Variants in DYNC2H1 observed in about 807,000 individuals in gnomAD.
DYNC2H1 encodes the protein cytoplasmic dynein 2 heavy chain 1.
Under a neutral mutation model 570.0 loss-of-function variants are expected in DYNC2H1, and 410 were observed. That is an observed-to-expected ratio of 0.72 (90% CI 0.66 to 0.78). The LOEUF (loss-of-function observed/expected upper bound fraction) is 0.78, where lower values mean the gene tolerates loss of function less well. Ranked by LOEUF, DYNC2H1 falls within the 30% of genes least tolerant of loss-of-function variation. The pLI is 0.00. For synonymous variants in DYNC2H1, 1,688 were observed against 1,677.6 expected (o/e 1.01, Z -0.15); for missense variants, 4,865 against 5,046.4 (o/e 0.96, Z 1.09).
chr11:103,236,327 G>C, intron 62 of DYNC2H1, 103 bp from the exon 63 acceptor site: 1 of 725,434 alleles, frequency 1.4e-6, no homozygotes, highest in Non-Finnish European at 2.4e-6. Context: ...TTTCAAGTAA[G>C]GACTGTCATA....
intron 13 of DYNC2H1, among the ~76,000 whole-genome samples, chr11:103,131,490 C>T (rs866996033): frequency 2.0e-5 from 3 of 151,968 alleles, no homozygotes; most frequent in African/African-American, 7.3e-5. Context: ...GGGGTTTCAC[C>T]GTGTTAGCCA....
chr11:103,270,203 A>T (rs34680059), intron 70 of DYNC2H1, among the ~76,000 whole-genome samples: 1 of 139,954 alleles, frequency 7.1e-6, no homozygotes, highest in Non-Finnish European at 1.6e-5. Context: ...AAAAAAAAAA[A>T]AAAAAATAAT....
At chr11:103,449,196 C>G (rs946501177) in intron 85 of DYNC2H1, among the ~76,000 whole-genome samples, 18 of 152,038 alleles carry the variant, frequency 1.2e-4, no homozygotes, top group African/African-American at 4.3e-4. Flanking sequence ...CTGAAGGAAA[C>G]AAGACAGAAA....
At chr11:103,366,763 G>A (rs1440990526) in intron 83 of DYNC2H1, among the ~76,000 whole-genome samples, 2 of 152,090 alleles carry the variant, frequency 1.3e-5, no homozygotes, top group Non-Finnish European at 2.9e-5. Flanking sequence ...ACTTAGAACT[G>A]CACCTAGCCC....
chr11:103,478,236 C>T (rs1238030031), intron 88 of DYNC2H1, among the ~76,000 whole-genome samples: 2 of 152,136 alleles, frequency 1.3e-5, no homozygotes, highest in African/African-American at 4.8e-5. Flanking sequence ...TTTGAAAACA[C>T]ATAAAGGGAA....
intron 83 of DYNC2H1, among the ~76,000 whole-genome samples, chr11:103,383,280 T>A (rs868307073): frequency 6.6e-6 from 1 of 152,166 alleles, no homozygotes; most frequent in East Asian, 1.9e-4. Flanking sequence ...CAGAACCTAA[T>A]AGGACATCAT....
At chr11:103,287,914 T>G (rs1866413789) in intron 75 of DYNC2H1, among the ~76,000 whole-genome samples, 2 of 152,150 alleles carry the variant, frequency 1.3e-5, no homozygotes, top group South Asian at 4.1e-4. Context: ...ACCGGAGTTT[T>G]ATTATTACTC....
At position 103,307,812 on chromosome 11, in the gene DYNC2H1, G is replaced by A; in HGVS notation, c.11474G>A (p.Ser3825Asn). The change falls in exon 78 of 89, where the codon AGT (serine) becomes AAT (asparagine). Residue 3825 changes from serine (S) to asparagine (N), a missense_variant. Physicochemically the swap from Ser to Asn is conservative, Grantham distance 46. This residue lies in a region of DYNC2H1 where 2,401 missense variants were observed against 2,454.6 expected (regional missense o/e 0.98). Transcript: ENST00000375735. ...TTTACTCCTATTTTACTACAGTCAA[G>A]TCTGAAGATAACATATGAGGTAAGA... ...PNFTPILLQS[S>N]LKITYESPPG... is the part of the protein sequence containing the mutation. 1 of 1,596,472 alleles carries A rather than the reference G, an allele frequency of 6.3e-7. No homozygotes were observed. The highest frequency in any genetic ancestry group is 8.6e-7 in the Non-Finnish European group (1 of 1,169,254).
At chr11:103,208,447 G>A (rs565236105) in intron 52 of DYNC2H1, among the ~76,000 whole-genome samples, 2 of 152,188 alleles carry the variant, frequency 1.3e-5, no homozygotes, top group Admixed American at 6.6e-5. Context: ...GTACAAGAGG[G>A]CACTGCCTTG....
intron 83 of DYNC2H1, among the ~76,000 whole-genome samples, chr11:103,396,684 G>A (rs1044251455): frequency 6.6e-6 from 1 of 152,084 alleles, no homozygotes; most frequent in Non-Finnish European, 1.5e-5. Flanking sequence ...CACCTAAATT[G>A]TACCAAATTA....
intron 50 of DYNC2H1, among the ~76,000 whole-genome samples, chr11:103,202,349 T>C (rs1862756878): frequency 6.9e-6 from 1 of 144,966 alleles, no homozygotes; most frequent in Non-Finnish European, 1.5e-5. Context: ...AACCTAATAA[T>C]CATTATTTTA....
chr11:103,242,286 T>TAAC (rs967921649), intron 63 of DYNC2H1, among the ~76,000 whole-genome samples: 1 of 152,162 alleles, frequency 6.6e-6, no homozygotes, highest in Non-Finnish European at 1.5e-5. Flanking sequence ...AGTAAGAGAT[T>TAAC]AACAACAACA....
chr11:103,346,169 G>A (rs749037412), intron 82 of DYNC2H1, among the ~76,000 whole-genome samples: 30 of 152,204 alleles, frequency 2.0e-4, no homozygotes, highest in Non-Finnish European at 3.4e-4. Flanking sequence ...TAATTGCATC[G>A]AATGGCTTTT....
rs546360270 is a variant in DYNC2H1 at position 103,118,615 on chromosome 11, A to G, written c.999+752A>G. Among the ~76,000 whole-genome samples, 8 of 152,280 alleles carry G rather than the reference A, an allele frequency of 5.3e-5. No homozygotes were observed. The South Asian group carries it at 1.0e-3, about 20-fold the overall frequency. ...CATTATCACAGCCAACAAAATGACG[A>G]TAATTCCTTAATATCATTTTATGTC... On this transcript the variant is annotated intron_variant, in intron 6 of 88. Transcript: ENST00000375735.
chr11:103,467,557 A>T (rs898930419), intron 87 of DYNC2H1, among the ~76,000 whole-genome samples: 1 of 142,980 alleles, frequency 7.0e-6, no homozygotes, highest in African/African-American at 2.6e-5. Flanking sequence ...TTTTGTTTTG[A>T]GGCGGAGTCT....
chr11:103,279,772 C>T (rs1322749303), intron 70 of DYNC2H1, among the ~76,000 whole-genome samples: 1 of 152,122 alleles, frequency 6.6e-6, no homozygotes, highest in East Asian at 1.9e-4. Context: ...TATCTAACCT[C>T]AATTAGTTAC....
Position 103,461,519 on chromosome 11 carries a change from T to C in DYNC2H1, c.12648+5163T>C, listed in dbSNP as rs1945010493. Among the ~76,000 whole-genome samples, 1 of 152,188 alleles carries C rather than the reference T, an allele frequency of 6.6e-6. No homozygotes were observed. Among genetic ancestry groups the C allele is most frequent in the Non-Finnish European group, 1.5e-5 (1 of 68,032 alleles). On this transcript the variant is annotated intron_variant, in intron 87 of 88. Coordinates refer to ENST00000375735, the MANE Select transcript of DYNC2H1 (RefSeq NM_001377.3). The surrounding 1 kb of genome is among the most constrained non-coding windows in gnomAD (Gnocchi z 4.8). Reference sequence around the variant, plus strand: ...AACTTGATATTGCAAAATACATAAATCAAGCTCCTGTTCAGCCTACATTTT... The same window carrying C: ...AACTTGATATTGCAAAATACATAAACCAAGCTCCTGTTCAGCCTACATTTT...
rs1467026342 is a variant in DYNC2H1, at chr11:103,438,299, C to T, written c.12456+2267C>T. On this transcript the variant is annotated intron_variant, in intron 85 of 88. Transcript: ENST00000375735. The stretch of plus-strand genomic sequence containing the variant: ...TTTGCTTTTCATCTATTCAAGGGCC[C>T]GATAGATCCCTTGTTTTCATCTGTG... 6.6e-5 allele frequency among the ~76,000 whole-genome samples: 10 copies of T among 152,042 alleles called. No homozygotes were observed. The East Asian group carries it at 9.7e-4, about 15-fold the overall frequency.
intron 60 of DYNC2H1, among the ~76,000 whole-genome samples, chr11:103,231,695 G>T (rs1343783318): frequency 6.6e-6 from 1 of 151,998 alleles, no homozygotes; most frequent in Non-Finnish European, 1.5e-5. Context: ...TTTAAAAGTT[G>T]TGAAGATTGA....
Sources: gnomAD v4.1 joint callset for allele counts (sites outside exome capture counted in the v4.1 genomes callset) on GRCh38, gnomAD v4.1.1 for gene constraint, gnomAD v4.1.1 regional missense constraint, Gnocchi (gnomAD v3.1) non-coding constraint, MANE v1.5 for transcripts, NCBI Gene and HGNC (gene_info 2026-07-23, HGNC 2026-07-21) for gene names.